RPS6KC1: variants seen among roughly 807,000 people sequenced by gnomAD.
RPS6KC1 encodes the protein inactive ribosomal protein S6 kinase delta-1.
RPS6KC1 carries 54 observed loss-of-function variants against 103.8 expected under a neutral mutation model. The observed-to-expected ratio is 0.52, with a 90% CI of 0.42 to 0.65. The LOEUF (loss-of-function observed/expected upper bound fraction) is 0.65, where lower values mean the gene tolerates loss of function less well. Among genes scored for constraint, RPS6KC1 ranks in the 30% least tolerant of loss-of-function variants. The pLI, the probability that RPS6KC1 is intolerant of heterozygous loss-of-function variation, is 0.00. For missense variants in RPS6KC1, 1,151 were observed against 1,253.8 expected (o/e 0.92, Z 1.24); for synonymous variants, 439 against 438.7 (o/e 1.00, Z -0.01).
At chr1:213,072,383 TA>T (rs2078967912) in intron 2 of RPS6KC1, among the ~76,000 whole-genome samples, 1 of 152,068 alleles carries the variant, frequency 6.6e-6, no homozygotes, top group Non-Finnish European at 1.5e-5. Context: ...AAAACAGATA[TA>T]TTTTTATACA....
the RPS6KC1 span, among the ~76,000 whole-genome samples, chr1:213,533,779 C>G: frequency 6.6e-6 from 1 of 152,194 alleles, no homozygotes; most frequent in Non-Finnish European, 1.5e-5. Context: ...TGTGGGGCTG[C>G]TCTGTTTGTG....
the RPS6KC1 span, among the ~76,000 whole-genome samples, chr1:213,593,798 A>G: frequency 6.6e-6 from 1 of 152,168 alleles, no homozygotes; most frequent in Non-Finnish European, 1.5e-5. Flanking sequence ...GCCCCGATAC[A>G]ATGGCTATTG....
At chr1:213,756,862 G>A in the RPS6KC1 span, among the ~76,000 whole-genome samples, 1 of 151,848 alleles carries the variant, frequency 6.6e-6, no homozygotes, top group African/African-American at 2.4e-5. Context: ...TGCCTGCCTC[G>A]GCCCCCCCAA....
the RPS6KC1 span, among the ~76,000 whole-genome samples, chr1:213,395,734 G>A: frequency 1.3e-5 from 2 of 152,298 alleles, no homozygotes; most frequent in African/African-American, 2.4e-5. Context: ...TAATTGGCAC[G>A]AGCCTGAGCT....
the RPS6KC1 span, among the ~76,000 whole-genome samples, chr1:213,716,231 T>A: frequency 2.6e-5 from 4 of 152,182 alleles, no homozygotes; most frequent in East Asian, 7.7e-4. Context: ...GGGAAGGCTT[T>A]CTACTCTGGT....
the RPS6KC1 span, among the ~76,000 whole-genome samples, chr1:213,852,902 T>C: frequency 2.0e-5 from 3 of 152,202 alleles, no homozygotes; most frequent in African/African-American, 7.2e-5. Context: ...ACATATAGTT[T>C]ATTGAGGGCA....
the RPS6KC1 span, among the ~76,000 whole-genome samples, chr1:213,759,276 A>G: frequency 6.6e-6 from 1 of 152,178 alleles, no homozygotes; most frequent in Non-Finnish European, 1.5e-5. Flanking sequence ...ATTGTTCCTT[A>G]GCCATAATGC....
intron 8 of RPS6KC1, among the ~76,000 whole-genome samples, chr1:213,177,203 A>C (rs2148308913): frequency 6.6e-6 from 1 of 152,346 alleles, no homozygotes; most frequent in East Asian, 1.9e-4. Context: ...TATTAACAGT[A>C]CTGTTCCTAT....
chr1:213,453,377 CAGG>C, the RPS6KC1 span, among the ~76,000 whole-genome samples: 91 of 152,128 alleles, frequency 6.0e-4, no homozygotes, highest in African/African-American at 2.0e-3. Flanking sequence ...GGGAGAGGAG[CAGG>C]CTGTTCCAGG....
chr1:213,602,102 T>TTCTTTC, the RPS6KC1 span, among the ~76,000 whole-genome samples: 12 of 23,010 alleles, frequency 5.2e-4, 1 homozygote, highest in Non-Finnish European at 6.9e-4. Context: ...CTTTCTTTCT[T>TTCTTTC]TCTTTCTTTC....
the RPS6KC1 span, among the ~76,000 whole-genome samples, chr1:213,351,984 T>C: frequency 6.6e-6 from 1 of 152,088 alleles, no homozygotes; most frequent in Non-Finnish European, 1.5e-5. Context: ...TTTTTCTTTT[T>C]TTCTTTTTTT....
intron 6 of RPS6KC1, among the ~76,000 whole-genome samples, chr1:213,167,439 A>AAAAC (rs552454495): frequency 2.6e-5 from 2 of 75,990 alleles, no homozygotes; most frequent in East Asian, 6.9e-4. Context: ...CAAGGTTGAA[A>AAAAC]ACACACACAC....
the RPS6KC1 span, among the ~76,000 whole-genome samples, chr1:213,471,703 T>C: frequency 6.6e-6 from 1 of 152,090 alleles, no homozygotes; most frequent in African/African-American, 2.4e-5. Flanking sequence ...ATTCCATTTT[T>C]CCCCATTTAA....
At chr1:213,737,032 A>G in the RPS6KC1 span, among the ~76,000 whole-genome samples, 4 of 152,226 alleles carry the variant, frequency 2.6e-5, no homozygotes, top group Non-Finnish European at 5.9e-5. Context: ...ACCACAGAGC[A>G]AACCAGCTCC....
At chr1:213,765,176 G>A in the RPS6KC1 span, among the ~76,000 whole-genome samples, 3 of 152,270 alleles carry the variant, frequency 2.0e-5, no homozygotes, top group Non-Finnish European at 4.4e-5. Context: ...TGAAAATACT[G>A]ACAAACACCA....
chr1:213,388,582 G>A, the RPS6KC1 span, among the ~76,000 whole-genome samples: 1 of 152,238 alleles, frequency 6.6e-6, no homozygotes, highest in South Asian at 2.1e-4. Flanking sequence ...GGTGAGGGAT[G>A]CACCAGGAAC....
the RPS6KC1 span, among the ~76,000 whole-genome samples, chr1:213,854,829 C>G: frequency 1.8e-4 from 27 of 152,210 alleles, no homozygotes; most frequent in Non-Finnish European, 3.7e-4. Context: ...GGGTCCAGCC[C>G]ATGCCCCGCC....
the RPS6KC1 span, among the ~76,000 whole-genome samples, chr1:213,461,558 CATG>C: frequency 6.6e-6 from 1 of 152,192 alleles, no homozygotes; most frequent in Non-Finnish European, 1.5e-5. Flanking sequence ...ATGAAAACAG[CATG>C]ATACTTGTAC....
the RPS6KC1 span, among the ~76,000 whole-genome samples, chr1:213,639,505 G>A: frequency 3.3e-5 from 5 of 151,966 alleles, no homozygotes; most frequent in East Asian, 1.9e-4. Context: ...TTACCCTTAA[G>A]TATGAAGTTA....
Sources: gnomAD v4.1 joint callset for allele counts (sites outside exome capture counted in the v4.1 genomes callset) on GRCh38, gnomAD v4.1.1 for gene constraint, MANE v1.5 for transcripts, NCBI Gene and HGNC (gene_info 2026-07-23, HGNC 2026-07-21) for gene names.